The following NT5C2 variants were observed in gnomAD, a reference collection of about 807,000 sequenced individuals.
The protein encoded by NT5C2 is cytosolic purine 5'-nucleotidase.
NT5C2 carries 58 observed loss-of-function variants against 76.1 expected under a neutral mutation model. The ratio of observed to expected loss-of-function variants is 0.76; its 90% CI spans 0.62 to 0.95. The LOEUF is 0.95. Among genes scored for constraint, NT5C2 ranks in the 40% least tolerant of loss-of-function variants. The probability of loss-of-function intolerance (pLI) is 0.00; values close to 1 mark genes in which losing one functional copy is unlikely to be tolerated. For missense variants in NT5C2, 478 were observed against 690.3 expected (o/e 0.69, Z 3.45); for synonymous variants, 229 against 237.4 (o/e 0.96, Z 0.32).
intron 1 of NT5C2, among the ~76,000 whole-genome samples, chr10:103,184,663 G>C (rs1426122299): frequency 2.0e-5 from 3 of 152,298 alleles, no homozygotes; most frequent in Admixed American, 6.5e-5. Context: ...GTGTAAGCCT[G>C]AAAATGCAAG....
intron 4 of NT5C2, among the ~76,000 whole-genome samples, chr10:103,120,350 C>A (rs1314358029): frequency 6.6e-6 from 1 of 151,970 alleles, no homozygotes; most frequent in Non-Finnish European, 1.5e-5. Context: ...AAAAGAAAAC[C>A]CACAGAATGA....
At chr10:103,093,502 G>A (rs537157257) in intron 14 of NT5C2, among the ~76,000 whole-genome samples, 193 bp from the exon 15 acceptor site, 1 of 152,246 alleles carries the variant, frequency 6.6e-6, no homozygotes, top group Middle Eastern at 3.4e-3. Context: ...GTGCTGACCA[G>A]AGCTCTTGCT....
intron 3 of NT5C2, among the ~76,000 whole-genome samples, chr10:103,162,722 A>G (rs937792511): frequency 2.6e-5 from 4 of 152,216 alleles, no homozygotes; most frequent in African/African-American, 9.6e-5. Context: ...TTGAATGTAT[A>G]TATCCACAAA....
intron 12 of NT5C2, 130 bp from the exon 13 acceptor site, chr10:103,094,585 T>A (rs2067700161): frequency 1.6e-6 from 1 of 642,908 alleles, no homozygotes. Context: ...TTTTATTTTT[T>A]AAAAAGGTAT....
intron 1 of NT5C2, among the ~76,000 whole-genome samples, chr10:103,186,491 A>G (rs553500512): frequency 3.3e-5 from 5 of 152,256 alleles, no homozygotes; most frequent in Non-Finnish European, 7.3e-5. Flanking sequence ...TATCCTAAAT[A>G]TAAGGACAAC....
chr10:103,188,712 C>G (rs554790726), intron 1 of NT5C2, among the ~76,000 whole-genome samples: 1 of 152,048 alleles, frequency 6.6e-6, no homozygotes, highest in Non-Finnish European at 1.5e-5. Context: ...GTATAACATA[C>G]GAATTTGGGC....
chr10:103,148,294 A>G lies in NT5C2; in HGVS notation c.102-8815T>C, dbSNP rs377619695. On this transcript the variant is annotated intron_variant, in intron 3 of 18. Coordinates refer to ENST00000404739, the MANE Select transcript of NT5C2 (RefSeq NM_001351169.2). ...ACATCAAGAGGGATACATTTTGTTT[A>G]TCAGATTGTGTCAAGAGAACAGCAG... is the stretch of plus-strand genomic sequence containing the variant. Among the ~76,000 whole-genome samples the G allele has an allele frequency of 4.6e-5, 7 of 152,298 alleles. No individual in the cohort carries two copies. In the East Asian group the frequency reaches 5.8e-4, roughly 13 times the overall value.
chr10:103,119,916 T>C (rs1319531030), intron 4 of NT5C2, among the ~76,000 whole-genome samples: 3 of 152,016 alleles, frequency 2.0e-5, no homozygotes, highest in Non-Finnish European at 4.4e-5. Context: ...CTGGGCAACA[T>C]GGTGAAACCC....
rs1388307666 is a variant in NT5C2, at chr10:103,101,336, A to C, written c.390-10T>G. The C allele has an allele frequency of 1.4e-6, 2 of 1,437,524 alleles. No homozygotes were observed. The highest frequency in any genetic ancestry group is 2.4e-5 in the South Asian group (2 of 83,642). 89.0% of individuals were successfully genotyped at this position (1,437,524 alleles called of 1,614,324 possible). On this transcript the variant is annotated splice_polypyrimidine_tract_variant and intron_variant, in intron 6 of 18. Coordinates refer to ENST00000404739, the MANE Select transcript of NT5C2 (RefSeq NM_001351169.2). ...TTCTCTAGTTTCTGGTCTGAAAGAA[A>C]AATTTAAAAATTAACTGATTTTTAA...
At chr10:103,184,986 A>G (rs957856828) in intron 1 of NT5C2, among the ~76,000 whole-genome samples, 8 of 140,340 alleles carry the variant, frequency 5.7e-5, no homozygotes, top group African/African-American at 2.1e-4. Context: ...CTGTTCCTAA[A>G]CTTTTGAAAA....
chr10:103,097,422 T>C, intron 10 of NT5C2, 48 bp from the exon 11 acceptor site: 2 of 1,489,514 alleles, frequency 1.3e-6, no homozygotes, highest in Non-Finnish European at 1.9e-6. Flanking sequence ...ATTTTTATCT[T>C]TACACTTTGG....
At chr10:103,185,665 G>GAAA (rs75386040) in intron 1 of NT5C2, among the ~76,000 whole-genome samples, 1 of 116,422 alleles carries the variant, frequency 8.6e-6, no homozygotes. Context: ...AAAAAAAAAG[G>GAAA]AAAAAAAAAA....
intron 3 of NT5C2, among the ~76,000 whole-genome samples, chr10:103,158,355 CAGA>C (rs1462226025): frequency 1.6e-4 from 24 of 152,012 alleles, no homozygotes; most frequent in Middle Eastern, 3.4e-3. Flanking sequence ...CCAAATCAAA[CAGA>C]AGGACAGAAA....
At chr10:103,182,820 TA>T (rs1414195632) in intron 1 of NT5C2, among the ~76,000 whole-genome samples, 1 of 152,204 alleles carries the variant, frequency 6.6e-6, no homozygotes, top group Non-Finnish European at 1.5e-5. Context: ...TTACTCATGT[TA>T]AACTAGTTTA....
chr10:103,182,840 C>A (rs1411373953), intron 1 of NT5C2, among the ~76,000 whole-genome samples: 1 of 152,062 alleles, frequency 6.6e-6, no homozygotes, highest in African/African-American at 2.4e-5. Context: ...TATGGAAAAA[C>A]AAAAGTTAAA....
chr10:103,146,476 A>G, intron 3 of NT5C2: 3 of 982,370 alleles, frequency 3.1e-6, no homozygotes, highest in Non-Finnish European at 2.4e-6. Context: ...TACAATCAAG[A>G]AAAGAAAAAG....
Position 103,108,727 on chromosome 10 carries a change from G to A in NT5C2, c.176-2021C>T, listed in dbSNP as rs555934370. 2.6e-5 allele frequency among the ~76,000 whole-genome samples: 4 copies of A among 152,236 alleles called. No homozygotes were observed. In the South Asian group the frequency reaches 8.3e-4, roughly 32 times the overall value. On this transcript the variant is annotated intron_variant, in intron 4 of 18. Coordinates refer to ENST00000404739, the MANE Select transcript of NT5C2 (RefSeq NM_001351169.2). ...TATTTGTCAGATTTTAAAACCAGAA[G>A]CCTTTTAAGGTCTTTTGAGTCTCAT...
chr10:103,134,814 G>A (rs1279076170), intron 4 of NT5C2, among the ~76,000 whole-genome samples: 5 of 152,252 alleles, frequency 3.3e-5, no homozygotes, highest in East Asian at 1.9e-4. Flanking sequence ...AAGTGGAGCT[G>A]CCCAAAACCA....
At chr10:103,142,844 A>G (rs1049198339) in intron 3 of NT5C2, among the ~76,000 whole-genome samples, 1 of 151,896 alleles carries the variant, frequency 6.6e-6, no homozygotes, top group African/African-American at 2.4e-5. Flanking sequence ...TTAGCTGAGC[A>G]TGGTGGCGTG....
Sources: gnomAD v4.1 joint callset for allele counts (sites outside exome capture counted in the v4.1 genomes callset) on GRCh38, gnomAD v4.1.1 for gene constraint, MANE v1.5 for transcripts, NCBI Gene and HGNC (gene_info 2026-07-23, HGNC 2026-07-21) for gene names.